Variants in MAST4 observed in about 807,000 individuals in gnomAD.
MAST4 encodes the protein microtubule-associated serine/threonine-protein kinase 4.
MAST4 carries 89 observed loss-of-function variants against 162.7 expected under a neutral mutation model. The observed-to-expected ratio is 0.55, with a 90% CI of 0.46 to 0.65. The LOEUF (loss-of-function observed/expected upper bound fraction) is 0.65. Among genes scored for constraint, MAST4 ranks in the 30% least tolerant of loss-of-function variants. The probability of loss-of-function intolerance (pLI) is 0.00; values close to 1 mark genes in which losing one functional copy is unlikely to be tolerated. For missense variants in MAST4, 3,153 were observed against 3,374.0 expected, an observed-to-expected ratio of 0.93 and a Z score of 1.62; for synonymous variants, 1,479 against 1,361.1, an observed-to-expected ratio of 1.09 and a Z score of -1.91.
intron 2 of MAST4, among the ~76,000 whole-genome samples, chr5:66,788,418 C>T (rs1176169827): frequency 2.6e-5 from 4 of 152,138 alleles, no homozygotes; most frequent in Non-Finnish European, 4.4e-5. Flanking sequence ...GAAAAAAACA[C>T]CTCATCCTAC....
intron 5 of MAST4, among the ~76,000 whole-genome samples, chr5:67,055,936 A>C (rs1410134206): frequency 6.6e-6 from 1 of 151,860 alleles, no homozygotes; most frequent in Non-Finnish European, 1.5e-5. Context: ...AGCGAGTCAC[A>C]AAAGAATATT....
intron 1 of MAST4, among the ~76,000 whole-genome samples, chr5:66,664,435 C>CAAAAAAAAAA (rs58704256): frequency 7.5e-5 from 7 of 93,916 alleles, no homozygotes; most frequent in South Asian, 3.3e-4. Flanking sequence ...AACTCCATTT[C>CAAAAAAAAAA]AAAAAAAAAA....
chr5:66,630,998 A>G (rs927933132), intron 1 of MAST4, among the ~76,000 whole-genome samples: 1 of 151,996 alleles, frequency 6.6e-6, no homozygotes, highest in African/African-American at 2.4e-5. Context: ...TTTTATTTGT[A>G]TTTTTTAGTT....
chr5:66,870,948 T>G (rs1198670453), intron 3 of MAST4: 2 of 435,622 alleles, frequency 4.6e-6, no homozygotes, highest in South Asian at 1.7e-5. Context: ...GCTGGTATAT[T>G]CCAGGGCTTT....
In MAST4 at chr5:66,601,537, G is replaced by A. The variant is rs200679611; in HGVS notation, c.363+4519G>A. 2.5e-4 allele frequency among the ~76,000 whole-genome samples: 38 copies of A among 152,316 alleles called. No homozygotes were observed. In the East Asian group the frequency reaches 4.6e-3, roughly 19 times the overall value. ...CTGGTGTTAAGGACTGAGTCACTGA[G>A]GAAGTGATCTGTGAGCTGAGACCCC... is the stretch of plus-strand genomic sequence containing the variant. On this transcript the variant is annotated intron_variant, in intron 1 of 28. Transcript: ENST00000403625.
intron 1 of MAST4, among the ~76,000 whole-genome samples, chr5:66,754,262 A>G (rs552201035): frequency 4.5e-4 from 68 of 152,316 alleles, no homozygotes; most frequent in African/African-American, 1.6e-3. Context: ...GGACAAATAT[A>G]TATGCTAGCA....
At chr5:66,726,681 G>A (rs1365650378) in intron 1 of MAST4, among the ~76,000 whole-genome samples, 2 of 152,132 alleles carry the variant, frequency 1.3e-5, no homozygotes, top group Non-Finnish European at 2.9e-5. Context: ...TTAGGACCTA[G>A]GTCATACAGC....
rs557972346 is a variant in MAST4, at chr5:66,802,528, G to A, written c.642+13734G>A. Among the ~76,000 whole-genome samples, 8 of 152,258 alleles carry A rather than the reference G, an allele frequency of 5.3e-5. No individual in the cohort carries two copies. The South Asian group carries it at 6.2e-4, about 12-fold the overall frequency. On this transcript the variant is annotated intron_variant, in intron 3 of 28. Coordinates refer to ENST00000403625, the MANE Select transcript of MAST4 (RefSeq NM_001164664.2). ...CTTTGTCACTTCTTGCATATGTAAA[G>A]GGTTAAATGTGTCTCTGCTTAATGA...
chr5:66,869,026 A>G (rs189140294), intron 3 of MAST4, among the ~76,000 whole-genome samples: 172 of 152,334 alleles, frequency 1.1e-3, no homozygotes, highest in Non-Finnish European at 2.1e-3. Context: ...ATTGACTGTA[A>G]CTGTGTATTT....
At chr5:66,727,963 T>G (rs1178911492) in intron 1 of MAST4, among the ~76,000 whole-genome samples, 1 of 152,090 alleles carries the variant, frequency 6.6e-6, no homozygotes, top group East Asian at 1.9e-4. Context: ...GACTCTGGGT[T>G]GGGTTCATGT....
chr5:66,638,146 A>G (rs1009792071), intron 1 of MAST4, among the ~76,000 whole-genome samples: 1 of 152,088 alleles, frequency 6.6e-6, no homozygotes, highest in Admixed American at 6.6e-5. Context: ...TTACTCTTAC[A>G]CTTGTGGCAG....
At chr5:66,795,669 A>G (rs771339917) in intron 3 of MAST4, among the ~76,000 whole-genome samples, 2 of 145,784 alleles carry the variant, frequency 1.4e-5, no homozygotes, top group African/African-American at 4.9e-5. Flanking sequence ...GTCAGTAGAT[A>G]AAGCGAATGT....
intron 26 of MAST4, 87 bp downstream of exon 26, chr5:67,153,667 A>T (rs927625531): frequency 8.0e-7 from 1 of 1,249,134 alleles, no homozygotes; most frequent in Non-Finnish European, 1.1e-6. Context: ...CCTGTGTCAC[A>T]CCCATGTCTG....
chr5:67,110,657 G>T (rs1766126590), intron 11 of MAST4, among the ~76,000 whole-genome samples: 2 of 152,298 alleles, frequency 1.3e-5, no homozygotes, highest in East Asian at 3.9e-4. Context: ...CATCCCATTT[G>T]GGAAAATACA....
intron 5 of MAST4, among the ~76,000 whole-genome samples, chr5:67,065,429 C>T (rs1164055617): frequency 6.6e-6 from 1 of 152,190 alleles, no homozygotes; most frequent in African/African-American, 2.4e-5. Flanking sequence ...AGACTGTCTT[C>T]CTCCAGTCAT....
At chr5:66,836,196 C>G (rs1443231601) in intron 3 of MAST4, among the ~76,000 whole-genome samples, 1 of 151,216 alleles carries the variant, frequency 6.6e-6, no homozygotes, top group Non-Finnish European at 1.5e-5. Context: ...ATGCTTTTGA[C>G]AAGTATTTAA....
chr5:67,069,641 G>A (rs1760689691), intron 5 of MAST4, among the ~76,000 whole-genome samples: 1 of 152,168 alleles, frequency 6.6e-6, no homozygotes, highest in African/African-American at 2.4e-5. Context: ...GGAATTTTGA[G>A]AGGAAAACAG....
At chr5:67,132,182 A>T (rs1013647590) in intron 16 of MAST4, among the ~76,000 whole-genome samples, 4 of 152,048 alleles carry the variant, frequency 2.6e-5, no homozygotes, top group Non-Finnish European at 4.4e-5. Flanking sequence ...GTATATATAT[A>T]TTTTATTATA....
Position 67,167,395 on chromosome 5 carries a change from G to A in MAST4, c.*344G>A. Reference sequence around the variant, plus strand: ...TAGAGTCTATACCTGGCTGCTGATTGCGTCGTTTACTACAGCTTTTTTTAA... The same window carrying A: ...TAGAGTCTATACCTGGCTGCTGATTACGTCGTTTACTACAGCTTTTTTTAA... On this transcript the variant is annotated 3_prime_UTR_variant, in exon 29 of 29. Transcript: ENST00000403625. 5.1e-6 allele frequency: 1 copy of A among 197,238 alleles called. No individual in the cohort carries two copies. Among genetic ancestry groups the A allele is most frequent in the Non-Finnish European group, 1.0e-5 (1 of 98,644 alleles). 12.2% of individuals were successfully genotyped at this position (197,238 alleles called of 1,614,324 possible). A position where few individuals can be genotyped will look rare whatever the true frequency, so the allele number is the denominator to read the frequency against.
Sources: gnomAD v4.1 joint callset for allele counts (sites outside exome capture counted in the v4.1 genomes callset) on GRCh38, gnomAD v4.1.1 for gene constraint, MANE v1.5 for transcripts, NCBI Gene and HGNC (gene_info 2026-07-23, HGNC 2026-07-21) for gene names.